QTMAN: variants seen among roughly 807,000 people sequenced by gnomAD.
QTMAN encodes tRNA-queuosine alpha-mannosyltransferase.
At chr2:144,120,262 C>T in the QTMAN span, among the ~76,000 whole-genome samples, 2 of 152,170 alleles carry the variant, frequency 1.3e-5, no homozygotes, top group African/African-American at 4.8e-5. Flanking sequence ...ACTTGCTGAG[C>T]CTTCCATACC....
At chr2:144,325,744 C>G in the QTMAN span, among the ~76,000 whole-genome samples, 1 of 152,174 alleles carries the variant, frequency 6.6e-6, no homozygotes, top group South Asian at 2.1e-4. Context: ...TACACACACT[C>G]CACTACCATT....
the QTMAN span, among the ~76,000 whole-genome samples, chr2:144,057,957 T>C: frequency 1.3e-5 from 2 of 152,004 alleles, no homozygotes; most frequent in African/African-American, 4.8e-5. Flanking sequence ...GGGACTACAG[T>C]TGTGCATCAC....
chr2:143,979,561 TAGGCTTCC>T, the QTMAN span, among the ~76,000 whole-genome samples: 3 of 152,286 alleles, frequency 2.0e-5, no homozygotes, highest in East Asian at 5.8e-4. Flanking sequence ...GTTTGGCGAG[TAGGCTTCC>T]AGACCTATTT....
chr2:144,014,823 T>C, the QTMAN span, among the ~76,000 whole-genome samples: 2 of 152,242 alleles, frequency 1.3e-5, no homozygotes, highest in Non-Finnish European at 2.9e-5. Context: ...TATTCTTTTA[T>C]ATTTTTATTT....
the QTMAN span, among the ~76,000 whole-genome samples, chr2:144,315,577 A>G: frequency 6.6e-6 from 1 of 152,166 alleles, no homozygotes; most frequent in South Asian, 2.1e-4. Context: ...GCTCACTCAC[A>G]TATTTCAGTA....
the QTMAN span, among the ~76,000 whole-genome samples, chr2:144,087,943 TG>T: frequency 6.6e-6 from 1 of 151,964 alleles, no homozygotes; most frequent in Non-Finnish European, 1.5e-5. Flanking sequence ...GTACTAGTCC[TG>T]GAAGTTCCAG....
At chr2:144,098,880 C>T in the QTMAN span, among the ~76,000 whole-genome samples, 1,006 of 150,894 alleles carry the variant, frequency 6.7e-3, 5 homozygotes, top group South Asian at 0.02. Flanking sequence ...AAGCTGAGTG[C>T]TAAGCCAAGC....
the QTMAN span, among the ~76,000 whole-genome samples, chr2:144,192,710 C>A: frequency 1.7e-4 from 26 of 152,204 alleles, no homozygotes; most frequent in Non-Finnish European, 2.4e-4. Context: ...TTGTAAGTTT[C>A]AAAGATATGT....
At chr2:144,171,574 A>C in the QTMAN span, among the ~76,000 whole-genome samples, 1 of 152,172 alleles carries the variant, frequency 6.6e-6, no homozygotes, top group Admixed American at 6.6e-5. Context: ...TTAAGAAGTA[A>C]ATCAATAATT....
chr2:144,258,024 G>A, the QTMAN span, among the ~76,000 whole-genome samples: 1 of 151,978 alleles, frequency 6.6e-6, no homozygotes, highest in African/African-American at 2.4e-5. Context: ...CAGGCTAAGG[G>A]TGAAGACTGG....
chr2:144,128,198 G>A, the QTMAN span: 1 of 151,974 alleles, frequency 6.6e-6, no homozygotes, highest in African/African-American at 2.4e-5. Context: ...ATTCACTCAG[G>A]ATCTGTGGTA....
the QTMAN span, among the ~76,000 whole-genome samples, chr2:144,241,848 C>CAA: frequency 6.1e-5 from 8 of 130,110 alleles, no homozygotes; most frequent in African/African-American, 2.0e-4. Context: ...AATTAAAATA[C>CAA]AAAAAAAAAA....
At chr2:144,091,927 A>G in the QTMAN span, among the ~76,000 whole-genome samples, 6 of 152,216 alleles carry the variant, frequency 3.9e-5, no homozygotes, top group Non-Finnish European at 8.8e-5. Context: ...AGTCAGATAA[A>G]AAGAAGTGCA....
the QTMAN span, among the ~76,000 whole-genome samples, chr2:144,279,498 G>A: frequency 5.9e-5 from 9 of 152,066 alleles, no homozygotes; most frequent in African/African-American, 1.9e-4. Context: ...GAAATGCTGC[G>A]GAACAGCCCT....
chr2:144,141,774 A>C, the QTMAN span: 1 of 761,412 alleles, frequency 1.3e-6, no homozygotes, highest in African/African-American at 1.7e-5. Context: ...TTCTCTAACT[A>C]ACCATACTTA....
chr2:144,315,464 T>G, the QTMAN span, among the ~76,000 whole-genome samples: 6 of 152,214 alleles, frequency 3.9e-5, no homozygotes, highest in Non-Finnish European at 7.3e-5. Context: ...CTGAACTAGC[T>G]GGTCACCTTT....
the QTMAN span, among the ~76,000 whole-genome samples, chr2:144,252,092 C>T: frequency 6.6e-6 from 1 of 151,876 alleles, no homozygotes. Context: ...ATAAGCAGGC[C>T]ACAGTGGCTC....
At chr2:144,133,686 A>G in the QTMAN span, among the ~76,000 whole-genome samples, 12 of 148,306 alleles carry the variant, frequency 8.1e-5, no homozygotes, top group South Asian at 4.2e-4. Flanking sequence ...GATTTATATT[A>G]GATATAAAGG....
chr2:144,120,903 C>T, the QTMAN span, among the ~76,000 whole-genome samples: 2,105 of 152,304 alleles, frequency 0.014, 48 homozygotes, highest in African/African-American at 0.048. Context: ...ACTTTCTCTA[C>T]ATTTTCTGAT....
Sources: gnomAD v4.1 joint callset for allele counts (sites outside exome capture counted in the v4.1 genomes callset) on GRCh38, gnomAD v4.1.1 for gene constraint, MANE v1.5 for transcripts, NCBI Gene and HGNC (gene_info 2026-07-23, HGNC 2026-07-21) for gene names.